The following LARGE1 variants were observed in gnomAD, a reference collection of about 807,000 sequenced individuals.
The protein encoded by LARGE1 is LARGE xylosyl- and glucuronyltransferase 1.
In LARGE1, 43 loss-of-function variants were observed where a neutral mutation model predicts 87.6. The observed-to-expected ratio is 0.49, with a 90% CI of 0.38 to 0.63. The LOEUF is 0.63. Among genes scored for constraint, LARGE1 ranks in the 30% least tolerant of loss-of-function variants. LARGE1 has a pLI of 0.00. For missense variants in LARGE1, 802 were observed against 1,000.2 expected, an observed-to-expected ratio of 0.80 and a Z score of 2.67; for synonymous variants, 434 against 394.6, an observed-to-expected ratio of 1.10 and a Z score of -1.18.
At chr22:33,430,263 T>A (rs1189516350) in intron 7 of LARGE1, among the ~76,000 whole-genome samples, 4 of 152,138 alleles carry the variant, frequency 2.6e-5, no homozygotes, top group Admixed American at 2.6e-4. Context: ...AGTGTGAGGA[T>A]CAAAGGAGAC....
At chr22:33,913,067 G>A (rs143849488) in intron 1 of LARGE1, among the ~76,000 whole-genome samples, 3,244 of 151,830 alleles carry the variant, frequency 0.021, 39 homozygotes, top group Non-Finnish European at 0.033. Flanking sequence ...CCTGACCTCA[G>A]GTGATCCCCC....
At chr22:33,467,850 G>A (rs933059928) in intron 6 of LARGE1, among the ~76,000 whole-genome samples, 1 of 152,126 alleles carries the variant, frequency 6.6e-6, no homozygotes, top group Non-Finnish European at 1.5e-5. Flanking sequence ...CCAAAACTTG[G>A]CTCTTCAGCC....
chr22:33,494,144 A>G (rs1218101294), intron 6 of LARGE1, among the ~76,000 whole-genome samples: 1 of 152,246 alleles, frequency 6.6e-6, no homozygotes, highest in Non-Finnish European at 1.5e-5. Flanking sequence ...CAACAGCTGT[A>G]TAAAGCTGTG....
intron 9 of LARGE1, among the ~76,000 whole-genome samples, chr22:33,358,732 C>T (rs1850932681): frequency 6.6e-6 from 1 of 151,968 alleles, no homozygotes; most frequent in Non-Finnish European, 1.5e-5. Context: ...GGTGCAGTGG[C>T]TCACAGCACT....
chr22:33,739,572 C>A (rs2083798619), intron 2 of LARGE1, among the ~76,000 whole-genome samples: 1 of 152,164 alleles, frequency 6.6e-6, no homozygotes, highest in South Asian at 2.1e-4. Flanking sequence ...TCAATAACAG[C>A]CTGTGAAGCT....
At chr22:33,401,336 C>T (rs1200774790) in intron 7 of LARGE1, among the ~76,000 whole-genome samples, 1 of 152,096 alleles carries the variant, frequency 6.6e-6, no homozygotes, top group Admixed American at 6.6e-5. Flanking sequence ...AGACGGGTGA[C>T]CAATGTCCAA....
At chr22:33,792,165 C>T (rs956163957) in intron 1 of LARGE1, among the ~76,000 whole-genome samples, 1 of 152,192 alleles carries the variant, frequency 6.6e-6, no homozygotes, top group Admixed American at 6.5e-5. Flanking sequence ...AGGTGATATG[C>T]TTTGGCTGTG....
chr22:33,676,281 A>C (rs2081573732), intron 2 of LARGE1, among the ~76,000 whole-genome samples: 1 of 146,642 alleles, frequency 6.8e-6, no homozygotes, highest in African/African-American at 2.5e-5. Context: ...GAATCCTCTG[A>C]GAGCTGTCAC....
At position 33,328,103 on chromosome 22, in the gene LARGE1, A is replaced by C. The variant is rs558966239; in HGVS notation, c.1287+9543T>G. ...TATATTAGTGATAAGTACTATGGAGAAAAATGAAGGAGCCCTGGAGAGAGG... is the reference window on the plus strand; with the variant it reads ...TATATTAGTGATAAGTACTATGGAGCAAAATGAAGGAGCCCTGGAGAGAGG... On this transcript the variant is annotated intron_variant, in intron 10 of 14. Coordinates refer to ENST00000397394, the MANE Select transcript of LARGE1 (RefSeq NM_133642.5). Among the ~76,000 whole-genome samples the C allele has an allele frequency of 4.3e-4, 66 of 152,304 alleles. 3 individuals are homozygous for C. The South Asian group carries it at 0.014, about 32-fold the overall frequency.
At chr22:33,854,783 T>C (rs2063709764) in intron 1 of LARGE1, among the ~76,000 whole-genome samples, 1 of 152,216 alleles carries the variant, frequency 6.6e-6, no homozygotes, top group Non-Finnish European at 1.5e-5. Flanking sequence ...GCCAAAGAGT[T>C]AGCTGTTGAA....
At chr22:33,175,114 C>T (rs1304438203) in intron 11 of LARGE1, among the ~76,000 whole-genome samples, 2 of 152,174 alleles carry the variant, frequency 1.3e-5, no homozygotes, top group Non-Finnish European at 2.9e-5. Flanking sequence ...TCCAGCAGCA[C>T]ATCAAAAAGC....
At chr22:33,582,804 C>A (rs527775716) in intron 5 of LARGE1, among the ~76,000 whole-genome samples, 2 of 152,346 alleles carry the variant, frequency 1.3e-5, no homozygotes, top group South Asian at 4.1e-4. Flanking sequence ...ATGTTAACTT[C>A]ATTAGGTCAA....
At chr22:33,744,766 GT>G (rs1028561851) in intron 2 of LARGE1, among the ~76,000 whole-genome samples, 2 of 152,212 alleles carry the variant, frequency 1.3e-5, no homozygotes, top group Admixed American at 6.5e-5. Flanking sequence ...CCAAATGATT[GT>G]CATAGAAAGG....
At chr22:33,151,180 C>T in the LARGE1 span, among the ~76,000 whole-genome samples, 4 of 152,068 alleles carry the variant, frequency 2.6e-5, no homozygotes, top group Non-Finnish European at 4.4e-5. Flanking sequence ...TTTCATTAGA[C>T]GTTTATGTAA....
intron 10 of LARGE1, among the ~76,000 whole-genome samples, chr22:33,319,698 T>C (rs1240755599): frequency 6.6e-6 from 1 of 152,074 alleles, no homozygotes. Flanking sequence ...GCCCGGCCAA[T>C]AAATGCTTCT....
chr22:33,753,905 C>T (rs1305691193), intron 2 of LARGE1, among the ~76,000 whole-genome samples: 1 of 151,134 alleles, frequency 6.6e-6, no homozygotes, highest in Non-Finnish European at 1.5e-5. Flanking sequence ...ACTAAAAAAA[C>T]AAAAAAAATA....
chr22:33,614,546 C>G (rs958147332), intron 4 of LARGE1, among the ~76,000 whole-genome samples: 2 of 152,106 alleles, frequency 1.3e-5, no homozygotes, highest in Non-Finnish European at 2.9e-5. Context: ...TCTTCACACC[C>G]CTTCCTTAAA....
At position 33,751,490 on chromosome 22, in the gene LARGE1, A is replaced by T. The variant is rs923291129; in HGVS notation, c.106+9881T>A. Among the ~76,000 whole-genome samples the T allele has an allele frequency of 1.8e-3, 277 of 152,010 alleles. 1 individual carries two copies. Among genetic ancestry groups the T allele is most frequent in the African/African-American group, 6.1e-3 (255 of 41,506 alleles). The stretch of plus-strand genomic sequence containing the variant: ...ACAGATTGAGACTCCATCTCAAAAA[A>T]AAAAAAACAAAAACAAACAAACAAA... On this transcript the variant is annotated intron_variant, in intron 2 of 14. Coordinates refer to ENST00000397394, the MANE Select transcript of LARGE1 (RefSeq NM_133642.5).
chr22:33,671,858 T>C (rs1232581839), intron 2 of LARGE1, among the ~76,000 whole-genome samples: 1 of 152,172 alleles, frequency 6.6e-6, no homozygotes, highest in Admixed American at 6.5e-5. Flanking sequence ...CCAGCATAAA[T>C]GGATTAAGAA....
Sources: gnomAD v4.1 joint callset for allele counts (sites outside exome capture counted in the v4.1 genomes callset) on GRCh38, gnomAD v4.1.1 for gene constraint, MANE v1.5 for transcripts, NCBI Gene and HGNC (gene_info 2026-07-23, HGNC 2026-07-21) for gene names.